Variants in M1AP observed in about 807,000 individuals in gnomAD.
M1AP encodes the protein meiosis 1 arrest protein.
A neutral mutation model predicts 51.2 loss-of-function variants in M1AP; 39 were observed. That is an observed-to-expected ratio of 0.76 (90% CI 0.59 to 1.00). The LOEUF (loss-of-function observed/expected upper bound fraction) is 1.00, where lower values mean the gene tolerates loss of function less well. Among genes scored for constraint, M1AP ranks in the 50% least tolerant of loss-of-function variants. The pLI is 0.00. For missense variants in M1AP, 545 were observed against 641.2 expected, an observed-to-expected ratio of 0.85 and a Z score of 1.62; for synonymous variants, 251 against 249.2, an observed-to-expected ratio of 1.01 and a Z score of -0.07.
intron 1 of M1AP, chr2:74,647,219 C>T: frequency 1.0e-6 from 1 of 985,304 alleles, no homozygotes. Flanking sequence ...GTGCCTTCTG[C>T]CCAACTCTCC....
At chr2:74,623,177 G>C (rs1682168752) in intron 2 of M1AP, among the ~76,000 whole-genome samples, 1 of 152,008 alleles carries the variant, frequency 6.6e-6, no homozygotes. Flanking sequence ...TCTCTAATAT[G>C]CATACCTAAA....
At chr2:74,572,200 A>G (rs1310533516) in intron 7 of M1AP, among the ~76,000 whole-genome samples, 2 of 152,206 alleles carry the variant, frequency 1.3e-5, no homozygotes, top group Non-Finnish European at 2.9e-5. Flanking sequence ...TAAGTGAAGG[A>G]GAATTAGCTT....
At chr2:74,580,380 G>C (rs1679327877) in intron 5 of M1AP, among the ~76,000 whole-genome samples, 1 of 152,184 alleles carries the variant, frequency 6.6e-6, no homozygotes. Context: ...GGTACTATCA[G>C]CCTTGGACAA....
intron 4 of M1AP, among the ~76,000 whole-genome samples, chr2:74,602,882 A>G (rs551813880): frequency 1.6e-4 from 24 of 152,328 alleles, no homozygotes; most frequent in African/African-American, 4.3e-4. Flanking sequence ...TGTTCTATAC[A>G]ATGCTAGCCA....
At chr2:74,607,272 A>C in intron 3 of M1AP, 49 bp from the exon 4 acceptor site, 2 of 1,578,462 alleles carry the variant, frequency 1.3e-6, no homozygotes, top group Non-Finnish European at 1.7e-6. Context: ...TGATGTACAG[A>C]GTGAGGAACA....
chr2:74,619,410 G>T, intron 2 of M1AP: 1 of 169,426 alleles, frequency 5.9e-6, no homozygotes, highest in East Asian at 1.5e-4. Flanking sequence ...AGATGAAATG[G>T]GATGGGGAGG....
At chr2:74,561,187 GAGGAGGAGGAGA>G (rs1677954270) in intron 8 of M1AP, among the ~76,000 whole-genome samples, 1 of 128,130 alleles carries the variant, frequency 7.8e-6, no homozygotes, top group Non-Finnish European at 1.7e-5. Flanking sequence ...GGAGGAGAAG[GAGGAGGAGGAGA>G]AGGAGGAGGA....
intron 2 of M1AP, among the ~76,000 whole-genome samples, chr2:74,632,438 G>A (rs753046279): frequency 5.3e-5 from 8 of 152,110 alleles, no homozygotes; most frequent in African/African-American, 9.7e-5. Flanking sequence ...TCCTTGTGGC[G>A]GAAGGGAGAA....
At chr2:74,562,141 T>C in intron 8 of M1AP, 76 bp downstream of exon 8, 4 of 1,525,352 alleles carry the variant, frequency 2.6e-6, no homozygotes, top group Non-Finnish European at 3.5e-6. Context: ...CCTCATGGGC[T>C]CACTCCTCTC....
intron 1 of M1AP, among the ~76,000 whole-genome samples, chr2:74,646,684 A>AC (rs1558706503): frequency 6.6e-6 from 1 of 152,168 alleles, no homozygotes; most frequent in Admixed American, 6.5e-5. Context: ...AACAAATAAA[A>AC]CACTTTAGCT....
chr2:74,624,141 G>A (rs1682241510), intron 2 of M1AP, among the ~76,000 whole-genome samples: 1 of 152,226 alleles, frequency 6.6e-6, no homozygotes, highest in African/African-American at 2.4e-5. Context: ...AAAGGCATAA[G>A]CAGGCTAGTG....
chr2:74,611,882 G>GTT (rs1188013311), intron 3 of M1AP, among the ~76,000 whole-genome samples: 21,752 of 42,788 alleles, frequency 0.51, 10,276 homozygotes, highest in Non-Finnish European at 0.58. Flanking sequence ...ACAAAAAAGT[G>GTT]TTTTTTTTTT....
intron 1 of M1AP, among the ~76,000 whole-genome samples, chr2:74,646,457 A>G (rs1324210875): frequency 1.3e-5 from 2 of 152,194 alleles, no homozygotes; most frequent in Admixed American, 1.3e-4. Flanking sequence ...ACTTGAGGAA[A>G]GTCATTGTGA....
intron 4 of M1AP, among the ~76,000 whole-genome samples, chr2:74,595,480 T>A (rs1680276681): frequency 1.3e-5 from 2 of 151,888 alleles, no homozygotes. Flanking sequence ...GCCTCCCGAG[T>A]AGCGGGGATT....
In M1AP at chr2:74,614,979, G is replaced by T. The variant is rs367736636; in HGVS notation, c.411C>A (p.Thr137=). ...SRHVTTRAAL[T]YTSLEITILT... Reference sequence around the variant, plus strand: ...CATCACTTACCTCCAGGGAGGTATAGGTCAGAGCTGCCCTTGTGGTCACAT... The same window carrying T: ...CATCACTTACCTCCAGGGAGGTATATGTCAGAGCTGCCCTTGTGGTCACAT... The change falls in exon 3 of 11, where the codon ACC becomes ACA. Residue 137 remains threonine (T), a synonymous_variant. Coordinates refer to ENST00000421985, the MANE Select transcript of M1AP (RefSeq NM_001321739.2). 10 of 1,614,004 alleles carry T rather than the reference G, an allele frequency of 6.2e-6. No individual in the cohort carries two copies. Among genetic ancestry groups the T allele is most frequent in the Non-Finnish European group, 7.6e-6 (9 of 1,180,006 alleles).
At chr2:74,578,247 G>T (rs1404939897) in intron 5 of M1AP, among the ~76,000 whole-genome samples, 1 of 152,216 alleles carries the variant, frequency 6.6e-6, no homozygotes, top group African/African-American at 2.4e-5. Context: ...GTCTCTGGGG[G>T]TGAAGCCCAG....
chr2:74,618,969 T>A, intron 2 of M1AP: 1 of 534,744 alleles, frequency 1.9e-6, no homozygotes, highest in South Asian at 1.4e-5. Context: ...TCTTCATCTA[T>A]AGCAGAACCA....
In M1AP at chr2:74,575,233, A is replaced by G. The variant is rs113006316; in HGVS notation, c.1074+205T>C. On this transcript the variant is annotated intron_variant, in intron 7 of 10. Transcript: ENST00000421985. The stretch of plus-strand genomic sequence containing the variant: ...GGGATTTTCAAGTTTAGTGTTGTAT[A>G]ACTGAATTCAGGAATTATTCTCTAT... 2.1e-3 allele frequency: 1,944 copies of G among 934,024 alleles called. 3 individuals are homozygous for G. Among genetic ancestry groups the G allele is most frequent in the Non-Finnish European group, 2.4e-3 (1,882 of 783,116 alleles). 57.9% of individuals were successfully genotyped at this position (934,024 alleles called of 1,614,324 possible). A position where few individuals can be genotyped will look rare whatever the true frequency, so the allele number is the denominator to read the frequency against.
chr2:74,643,590 CTTTTTTTTTT>C (rs1161305967), intron 1 of M1AP, among the ~76,000 whole-genome samples: 1 of 130,096 alleles, frequency 7.7e-6, no homozygotes, highest in African/African-American at 2.8e-5. Context: ...TGGTAATGTT[CTTTTTTTTTT>C]TTTTTTTTGA....
Sources: allele counts gnomAD v4.1 joint callset (sites outside exome capture counted in the v4.1 genomes callset), GRCh38; gene constraint gnomAD v4.1.1; transcripts MANE v1.5; gene names NCBI Gene and HGNC (gene_info 2026-07-23, HGNC 2026-07-21).